HEPHL1: variants seen among roughly 807,000 people sequenced by gnomAD.
HEPHL1 encodes the protein ferroxidase HEPHL1.
In HEPHL1, 123 loss-of-function variants were observed where a neutral mutation model predicts 122.0. That is an observed-to-expected ratio of 1.01 (90% CI 0.87 to 1.17). The LOEUF (loss-of-function observed/expected upper bound fraction) is 1.17. Ranked by LOEUF, HEPHL1 falls within the 50% of genes most tolerant of loss-of-function variation. The probability of loss-of-function intolerance (pLI) is 0.00; values close to 1 mark genes in which losing one functional copy is unlikely to be tolerated. For missense variants in HEPHL1, 1,452 were observed against 1,430.5 expected, an observed-to-expected ratio of 1.01 and a Z score of -0.24; for synonymous variants, 527 against 508.9, an observed-to-expected ratio of 1.04 and a Z score of -0.48.
At chr11:94,033,261 GC>G (rs1260799612) in intron 1 of HEPHL1, among the ~76,000 whole-genome samples, 1 of 152,126 alleles carries the variant, frequency 6.6e-6, no homozygotes, top group African/African-American at 2.4e-5. Context: ...TTCTGAGGAG[GC>G]AGGGATTGAG....
At chr11:94,079,766 G>A (rs1946153898) in intron 9 of HEPHL1, among the ~76,000 whole-genome samples, 1 of 152,166 alleles carries the variant, frequency 6.6e-6, no homozygotes, top group African/African-American at 2.4e-5. Context: ...AATACCATTA[G>A]ATGAGACTGT....
chr11:94,098,893 T>C lies in HEPHL1; in HGVS notation c.2435-2302T>C, dbSNP rs1269277671. Among the ~76,000 whole-genome samples the C allele has an allele frequency of 2.6e-5, 4 of 152,192 alleles. No individual in the cohort carries two copies. In the East Asian group the frequency reaches 7.7e-4, roughly 29 times the overall value. On this transcript the variant is annotated intron_variant, in intron 13 of 19. Transcript: ENST00000315765. ...TCATTTAAGGACTTCTCTACACTGG[T>C]TATTCTAGTTAGCCATTCATCTAAT... is the stretch of plus-strand genomic sequence containing the variant.
intron 1 of HEPHL1, 112 bp downstream of exon 1, chr11:94,021,650 A>C (rs1945583416): frequency 1.1e-5 from 9 of 820,832 alleles, no homozygotes; most frequent in Non-Finnish European, 1.7e-5. Context: ...GATCTAGACC[A>C]AGAGAAGGTG....
rs1265484959 is a variant in HEPHL1 at position 94,083,715 on chromosome 11, C to G, written c.1867+1147C>G. Among the ~76,000 whole-genome samples, 3 of 152,214 alleles carry G rather than the reference C, an allele frequency of 2.0e-5. No individual in the cohort carries two copies. The South Asian group carries it at 6.2e-4, about 32-fold the overall frequency. On this transcript the variant is annotated intron_variant, in intron 10 of 19. Coordinates refer to ENST00000315765, the MANE Select transcript of HEPHL1 (RefSeq NM_001098672.2). The stretch of plus-strand genomic sequence containing the variant: ...GTCACAGACCCTATGGTCCCAGATG[C>G]TCATTTCCAACAGAGTCCCCTCTTG...
chr11:94,094,896 C>T (rs995696571), intron 13 of HEPHL1, among the ~76,000 whole-genome samples: 8 of 152,092 alleles, frequency 5.3e-5, no homozygotes, highest in Non-Finnish European at 7.4e-5. Context: ...TGGATATTAG[C>T]CCTTTGCCAG....
chr11:94,021,593 G>T (rs980850611), intron 1 of HEPHL1, 55 bp downstream of exon 1: 52 of 1,353,698 alleles, frequency 3.8e-5, no homozygotes, highest in Non-Finnish European at 5.0e-5. Context: ...TTTTGACTTT[G>T]TGTGGGGAAG....
At chr11:94,064,657 A>G in intron 4 of HEPHL1, 147 bp downstream of exon 4, 2 of 607,614 alleles carry the variant, frequency 3.3e-6, no homozygotes, top group Non-Finnish European at 5.7e-6. Context: ...GATACAATAC[A>G]TGACACATGT....
At chr11:94,066,151 G>A (rs1946032654) in intron 4 of HEPHL1, among the ~76,000 whole-genome samples, 1 of 152,204 alleles carries the variant, frequency 6.6e-6, no homozygotes, top group Admixed American at 6.5e-5. Flanking sequence ...TGAACTAAGT[G>A]CCACTGCACC....
intron 13 of HEPHL1, among the ~76,000 whole-genome samples, chr11:94,098,092 T>C (rs1946333888): frequency 6.6e-6 from 1 of 152,260 alleles, no homozygotes; most frequent in African/African-American, 2.4e-5. Flanking sequence ...CATTAGTTGA[T>C]GCAGTTTCTT....
chr11:94,039,628 A>G (rs1326437279), intron 1 of HEPHL1, among the ~76,000 whole-genome samples: 1 of 152,006 alleles, frequency 6.6e-6, no homozygotes, highest in African/African-American at 2.4e-5. Context: ...ACAACTGGGT[A>G]CATAACGAAA....
At chr11:94,081,394 C>T (rs1946169274) in intron 9 of HEPHL1, among the ~76,000 whole-genome samples, 1 of 152,192 alleles carries the variant, frequency 6.6e-6, no homozygotes, top group Non-Finnish European at 1.5e-5. Flanking sequence ...ACCACCATGG[C>T]ACATGTTTAC....
rs1370103564 is a variant in HEPHL1 at position 94,075,307 on chromosome 11, A to G, written c.1638A>G (p.Pro546=). ...ATCTTTACTTCTCAGCAGTTGATCC[A>G]ATTAAGGACACCAGCTCTGGCCTGG... The part of the protein sequence containing the change: ...LTYLYFSAVD[P]IKDTSSGLVG... The change falls in exon 9 of 20, where the codon CCA becomes CCG. Residue 546 remains proline (P), a synonymous_variant. Transcript: ENST00000315765. 6.2e-7 allele frequency: 1 copy of G among 1,613,436 alleles called. No individual in the cohort carries two copies. Among genetic ancestry groups the G allele is most frequent in the African/African-American group, 1.3e-5 (1 of 74,894 alleles).
At chr11:94,097,693 G>A (rs550757978) in intron 13 of HEPHL1, among the ~76,000 whole-genome samples, 3 of 151,698 alleles carry the variant, frequency 2.0e-5, no homozygotes, top group Non-Finnish European at 2.9e-5. Context: ...TTATGAATCT[G>A]GGTGCTCCTG....
In HEPHL1 at chr11:94,029,395, A is replaced by G. The variant is rs567872447; in HGVS notation, c.170+7857A>G. ...CATTTCCACTCACAGCCAATTTGCC[A>G]GAACACTATGGCCCATCTAACTTGC... On this transcript the variant is annotated intron_variant, in intron 1 of 19. Transcript: ENST00000315765. Among the ~76,000 whole-genome samples the G allele has an allele frequency of 2.6e-5, 4 of 152,340 alleles. No individual in the cohort carries two copies. The East Asian group carries it at 7.7e-4, about 29-fold the overall frequency.
chr11:94,067,266 G>C (rs113015613), intron 4 of HEPHL1, among the ~76,000 whole-genome samples: 203 of 152,288 alleles, frequency 1.3e-3, no homozygotes, highest in African/African-American at 4.7e-3. Flanking sequence ...CTCAGTGTAT[G>C]CTGATCTTCA....
chr11:94,070,136 T>C (rs1565354053), intron 5 of HEPHL1, among the ~76,000 whole-genome samples: 1 of 152,212 alleles, frequency 6.6e-6, no homozygotes, highest in East Asian at 1.9e-4. Context: ...CATTTTCTAT[T>C]GGAGATTTAC....
At position 94,112,905 on chromosome 11, in the gene HEPHL1, T is replaced by C. The variant is rs1746228893; in HGVS notation, c.*1011T>C. On this transcript the variant is annotated 3_prime_UTR_variant, in exon 20 of 20. Transcript: ENST00000315765. ...ATTGTATGAGAAACATCAGGAGGAA[T>C]TTATCAATGTAGGTGACTAGATAGG... 6.6e-6 allele frequency: 1 copy of C among 152,100 alleles called. No homozygotes were observed. The highest frequency in any genetic ancestry group is 6.5e-5 in the Admixed American group (1 of 15,272). 9.4% of individuals were successfully genotyped at this position (152,100 alleles called of 1,614,324 possible).
At chr11:94,088,996 C>T (rs375808672) in intron 12 of HEPHL1, 28 bp downstream of exon 12, 1 of 1,602,392 alleles carries the variant, frequency 6.2e-7, no homozygotes, top group Non-Finnish European at 8.6e-7. Flanking sequence ...GCTAGGGCTC[C>T]TCGGTGGGAT....
At chr11:94,048,147 T>C (rs1383511567) in intron 2 of HEPHL1, among the ~76,000 whole-genome samples, 1 of 152,188 alleles carries the variant, frequency 6.6e-6, no homozygotes, top group Non-Finnish European at 1.5e-5. Flanking sequence ...ATGTATATTT[T>C]AGTATGCATC....
Sources: allele counts gnomAD v4.1 joint callset (sites outside exome capture counted in the v4.1 genomes callset), GRCh38; gene constraint gnomAD v4.1.1; transcripts MANE v1.5; gene names NCBI Gene and HGNC (gene_info 2026-07-23, HGNC 2026-07-21).